TRIM55: variants seen among roughly 807,000 people sequenced by gnomAD.
TRIM55 encodes tripartite motif-containing protein 55.
In TRIM55, 50 loss-of-function variants were observed where a neutral mutation model predicts 60.9. The ratio of observed to expected loss-of-function variants is 0.82; its 90% CI spans 0.65 to 1.04. The LOEUF is 1.04. Ranked by LOEUF, TRIM55 falls within the 50% of genes least tolerant of loss-of-function variation. The pLI is 0.00. For synonymous variants in TRIM55, 237 were observed against 238.1 expected (o/e 1.00, Z 0.04); for missense variants, 681 against 666.9 (o/e 1.02, Z -0.23).
chr8:66,123,049 C>T (rs1007433953), upstream of TRIM55, among the ~76,000 whole-genome samples: 7 of 152,228 alleles, frequency 4.6e-5, no homozygotes, highest in African/African-American at 1.4e-4. Flanking sequence ...AACTTCTATT[C>T]TCTCTGAAGC....
the TRIM55 span, among the ~76,000 whole-genome samples, chr8:66,119,437 C>T: frequency 6.6e-6 from 1 of 152,208 alleles, no homozygotes. Flanking sequence ...GCTCCTTAAA[C>T]TAAGCCTGGA....
chr8:66,158,341 A>G (rs779955621), intron 9 of TRIM55, among the ~76,000 whole-genome samples: 1 of 152,190 alleles, frequency 6.6e-6, no homozygotes, highest in African/African-American at 2.4e-5. Context: ...AAGCTTTACT[A>G]TATCATAATG....
Position 66,128,472 on chromosome 8 carries a change from A to G in TRIM55, c.337A>G (p.Thr113Ala), listed in dbSNP as rs758127948. The G allele has an allele frequency of 6.2e-7, 1 of 1,612,092 alleles. No individual in the cohort carries two copies. Among genetic ancestry groups the G allele is most frequent in the Non-Finnish European group, 8.5e-7 (1 of 1,179,252 alleles). The change falls in exon 2 of 10, where the codon ACC becomes GCC. Residue 113 changes from threonine (T) to alanine (A), a missense_variant. Physicochemically the swap from Thr to Ala is moderately conservative, Grantham distance 58. Coordinates refer to ENST00000315962, the MANE Select transcript of TRIM55 (RefSeq NM_184085.2). The stretch of plus-strand genomic sequence containing the variant: ...CATTGACATCTACAAGCAGGAGTCC[A>G]CCAGGTAACACTCTTCCACTCTTCC... ...NIIDIYKQES[T>A]RPEKKSDQPM...
rs774679326 is a variant in TRIM55 at position 66,152,634 on chromosome 8, C to T, written c.1236+7C>T. On this transcript the variant is annotated splice_region_variant and intron_variant, in intron 8 of 9. Transcript: ENST00000315962. ...GGATGCCCCTGTGACACAGGTAACCCCTCCTGAGTCTCTTTCTACAGGGCA... is the reference window on the plus strand; with the variant it reads ...GGATGCCCCTGTGACACAGGTAACCTCTCCTGAGTCTCTTTCTACAGGGCA... 9.9e-6 allele frequency: 16 copies of T among 1,611,960 alleles called. No homozygotes were observed. The South Asian group carries it at 1.3e-4, about 13-fold the overall frequency.
chr8:66,162,631 T>C (rs556750634), intron 9 of TRIM55, among the ~76,000 whole-genome samples: 45 of 152,256 alleles, frequency 3.0e-4, no homozygotes, highest in African/African-American at 1.1e-3. Context: ...AGAATTCAGC[T>C]ATGAATCCAT....
chr8:66,125,421 A>G (rs1052004571), upstream of TRIM55, among the ~76,000 whole-genome samples: 5 of 152,260 alleles, frequency 3.3e-5, no homozygotes, highest in Admixed American at 3.3e-4. Context: ...CAATGAATGT[A>G]TTTTGAAGGA....
At chr8:66,167,591 A>G (rs1737570418) in intron 9 of TRIM55, among the ~76,000 whole-genome samples, 1 of 152,052 alleles carries the variant, frequency 6.6e-6, no homozygotes, top group South Asian at 2.1e-4. Context: ...AGTGAGTTTA[A>G]TTCCTGCTTG....
upstream of TRIM55, among the ~76,000 whole-genome samples, chr8:66,125,082 T>C (rs894801009): frequency 6.6e-6 from 1 of 152,234 alleles, no homozygotes; most frequent in Admixed American, 6.5e-5. Context: ...TTGCCTCTTA[T>C]CTACCCACAA....
upstream of TRIM55, among the ~76,000 whole-genome samples, chr8:66,125,088 C>T (rs890617162): frequency 6.6e-6 from 1 of 152,224 alleles, no homozygotes; most frequent in Non-Finnish European, 1.5e-5. Flanking sequence ...CTTATCTACC[C>T]ACAACTGAAA....
chr8:66,132,369 C>T (rs1170461643), intron 2 of TRIM55, among the ~76,000 whole-genome samples: 1 of 152,208 alleles, frequency 6.6e-6, no homozygotes, highest in African/African-American at 2.4e-5. Flanking sequence ...AAGAGAAATG[C>T]TTGAACCCGG....
intron 9 of TRIM55, among the ~76,000 whole-genome samples, chr8:66,161,204 A>G (rs1036358534): frequency 2.0e-5 from 3 of 152,142 alleles, no homozygotes; most frequent in African/African-American, 7.2e-5. Flanking sequence ...ATTTTTGTAT[A>G]AGGTGCAATA....
chr8:66,174,256 ATCATGAG>A (rs968786304), intron 9 of TRIM55, among the ~76,000 whole-genome samples: 4 of 151,430 alleles, frequency 2.6e-5, no homozygotes, highest in Admixed American at 1.3e-4. Context: ...TTCTTTTTGT[ATCATGAG>A]TGTGAATTAT....
chr8:66,113,542 G>A, the TRIM55 span: 15 of 456,156 alleles, frequency 3.3e-5, no homozygotes, highest in East Asian at 6.9e-5. Context: ...GCATTCCAAC[G>A]AGCAGTTTGA....
chr8:66,145,121 A>T (rs565973773), intron 4 of TRIM55, among the ~76,000 whole-genome samples: 2 of 152,302 alleles, frequency 1.3e-5, no homozygotes, highest in East Asian at 3.9e-4. Context: ...CTTTCACAGC[A>T]CTTTGATGGT....
At chr8:66,157,557 A>G (rs1418459258) in intron 9 of TRIM55, among the ~76,000 whole-genome samples, 1 of 152,170 alleles carries the variant, frequency 6.6e-6, no homozygotes, top group East Asian at 1.9e-4. Context: ...ATGTGGTAAG[A>G]GTTCTCTTTG....
chr8:66,131,187 G>A (rs191798964), intron 2 of TRIM55, among the ~76,000 whole-genome samples: 8 of 152,202 alleles, frequency 5.3e-5, no homozygotes, highest in Non-Finnish European at 1.0e-4. Context: ...CAATAATCCG[G>A]TGAGGTGTTG....
intron 1 of TRIM55, 122 bp from the exon 2 acceptor site, chr8:66,128,182 G>A: frequency 2.1e-6 from 2 of 951,254 alleles, no homozygotes; most frequent in African/African-American, 1.6e-5. Context: ...CCTGAGGGAT[G>A]ATCTTATGGC....
chr8:66,161,054 GT>G (rs1392165292), intron 9 of TRIM55, among the ~76,000 whole-genome samples: 1 of 151,914 alleles, frequency 6.6e-6, no homozygotes, highest in Non-Finnish European at 1.5e-5. Flanking sequence ...CTTTGTTTTT[GT>G]TATATTTGCT....
chr8:66,151,906 A>G (rs561033210), intron 7 of TRIM55, among the ~76,000 whole-genome samples: 1 of 151,966 alleles, frequency 6.6e-6, no homozygotes, highest in African/African-American at 2.4e-5. Context: ...AAGAGTCGTG[A>G]CATTAATTAT....
Sources: gnomAD v4.1 joint callset for allele counts (sites outside exome capture counted in the v4.1 genomes callset) on GRCh38, gnomAD v4.1.1 for gene constraint, MANE v1.5 for transcripts, NCBI Gene and HGNC (gene_info 2026-07-23, HGNC 2026-07-21) for gene names.